The following SCUBE2 variants were observed in gnomAD, a reference collection of about 807,000 sequenced individuals.
SCUBE2 encodes the protein signal peptide, CUB and EGF-like domain-containing protein 2.
SCUBE2 carries 114 observed loss-of-function variants against 125.9 expected under a neutral mutation model. That is an observed-to-expected ratio of 0.91 (90% CI 0.78 to 1.06). SCUBE2 has a LOEUF of 1.06. SCUBE2 is among the 50% of genes least tolerant of loss of function. The probability of loss-of-function intolerance (pLI) is 0.00; values close to 1 mark genes in which losing one functional copy is unlikely to be tolerated. For synonymous variants in SCUBE2, 459 were observed against 492.9 expected (o/e 0.93, Z 0.91); for missense variants, 1,255 against 1,301.8 (o/e 0.96, Z 0.55).
intron 16 of SCUBE2, among the ~76,000 whole-genome samples, chr11:9,037,337 T>C (rs1856826051): frequency 1.3e-5 from 2 of 152,182 alleles, no homozygotes; most frequent in South Asian, 2.1e-4. Flanking sequence ...TTTTTCTCCT[T>C]CTTTAAAAAA....
At chr11:9,041,729 A>T (rs1857263177) in intron 16 of SCUBE2, among the ~76,000 whole-genome samples, 1 of 151,916 alleles carries the variant, frequency 6.6e-6, no homozygotes, top group African/African-American at 2.4e-5. Flanking sequence ...CGGCTCCTTC[A>T]AAGAGCTTCG....
At chr11:9,077,538 G>A (rs1354926645) in intron 3 of SCUBE2, among the ~76,000 whole-genome samples, 1 of 152,204 alleles carries the variant, frequency 6.6e-6, no homozygotes, top group African/African-American at 2.4e-5. Context: ...TGGTTAGGAG[G>A]CTGAGGAGAT....
At chr11:9,086,575 G>A (rs540080131) in intron 2 of SCUBE2, among the ~76,000 whole-genome samples, 20 of 151,512 alleles carry the variant, frequency 1.3e-4, no homozygotes, top group African/African-American at 2.9e-4. Context: ...CATCCTGGCC[G>A]GGCGCAGTGG....
At chr11:9,056,011 TAC>T (rs1859047526) in intron 9 of SCUBE2, 102 bp from the exon 10 acceptor site, 4 of 845,500 alleles carry the variant, frequency 4.7e-6, no homozygotes, top group African/African-American at 3.3e-5. Context: ...CCAAAAACAA[TAC>T]ACACAGAGTA....
Position 9,031,846 on chromosome 11 carries a change from T to C in SCUBE2, c.2174-921A>G, listed in dbSNP as rs1856332989. Among the ~76,000 whole-genome samples, 3 of 148,916 alleles carry C rather than the reference T, an allele frequency of 2.0e-5. No individual in the cohort carries two copies. In the South Asian group the frequency reaches 6.6e-4, roughly 33 times the overall value. ...TTCTTAATCATCTCTCCTCTATTAATCATAGTGGTCTCATTTTCCCCCATA... is the reference window on the plus strand; with the variant it reads ...TTCTTAATCATCTCTCCTCTATTAACCATAGTGGTCTCATTTTCCCCCATA... On this transcript the variant is annotated intron_variant, in intron 17 of 22. Transcript: ENST00000649792.
intron 16 of SCUBE2, among the ~76,000 whole-genome samples, chr11:9,040,437 G>A (rs1233805311): frequency 3.3e-5 from 5 of 151,960 alleles, no homozygotes; most frequent in Non-Finnish European, 4.4e-5. Flanking sequence ...GGTATACACC[G>A]TGGGTACACA....
chr11:9,074,788 C>T (rs548244472), intron 3 of SCUBE2, among the ~76,000 whole-genome samples, 173 bp from the exon 4 acceptor site: 37 of 152,360 alleles, frequency 2.4e-4, no homozygotes, highest in Admixed American at 1.8e-3. Context: ...CCAGTCCTTA[C>T]GGGTCTGGGG....
Position 9,055,865 on chromosome 11 carries a change from T to C in SCUBE2, c.1135A>G (p.Ile379Val). Residue 379 changes from isoleucine (I) to valine (V), a missense_variant, in exon 10 of 23, where the codon ATC (isoleucine) becomes GTC (valine). Coordinates refer to ENST00000649792, the MANE Select transcript of SCUBE2 (RefSeq NM_001367977.2). ...SLDRTCDHSC[I>V]NHPGTFACAC... Reference sequence around the variant, plus strand: ...CAAGCAAATGTGCCAGGGTGGTTGATGCAGCTGTGGTCACAGGTCCTATCC... The same window carrying C: ...CAAGCAAATGTGCCAGGGTGGTTGACGCAGCTGTGGTCACAGGTCCTATCC... The C allele has an allele frequency of 1.2e-6, 2 of 1,614,180 alleles. No homozygotes were observed. Among genetic ancestry groups the C allele is most frequent in the Non-Finnish European group, 1.7e-6 (2 of 1,180,034 alleles).
In SCUBE2 at chr11:9,025,863, G is replaced by C. The variant is rs1333802605; in HGVS notation, c.2702-9C>G. 2 of 1,612,934 alleles carry C rather than the reference G, an allele frequency of 1.2e-6. No individual in the cohort carries two copies. On this transcript the variant is annotated splice_polypyrimidine_tract_variant and intron_variant, in intron 20 of 22. Coordinates refer to ENST00000649792, the MANE Select transcript of SCUBE2 (RefSeq NM_001367977.2). Reference sequence around the variant, plus strand: ...CACAGAATTGGATGAAGCTGCCAAGGGAAGTTGGAGAAGGGTGGGGTTCAA... The same window carrying C: ...CACAGAATTGGATGAAGCTGCCAAGCGAAGTTGGAGAAGGGTGGGGTTCAA...
chr11:9,049,103 T>C (rs929958799), intron 14 of SCUBE2, among the ~76,000 whole-genome samples: 23 of 152,224 alleles, frequency 1.5e-4, no homozygotes, highest in African/African-American at 5.1e-4. Flanking sequence ...TATAGAAAAG[T>C]TGCTAAGATA....
At position 9,050,697 on chromosome 11, in the gene SCUBE2, G is replaced by C. The variant is rs370137182; in HGVS notation, c.1548C>G (p.Ile516Met). ...TTAGCTTAAAGGTTACACTTGTCCT[G>C]ATGGTGGTGACATCTTCAGAAAGAA... ...NDSAFGDVTT[I>M]RTSVTFKLNE... The change falls in exon 14 of 23, where the codon ATC (isoleucine) becomes ATG (methionine). Residue 516 changes from isoleucine (I) to methionine (M), a missense_variant. Ile to Met is a conservative substitution (Grantham distance 10, BLOSUM62 1). Transcript: ENST00000649792. The C allele has an allele frequency of 6.2e-7, 1 of 1,613,518 alleles. No individual in the cohort carries two copies. The highest frequency in any genetic ancestry group is 8.5e-7 in the Non-Finnish European group (1 of 1,179,488).
chr11:9,073,789 A>G (rs1221019397), intron 4 of SCUBE2, among the ~76,000 whole-genome samples: 1 of 152,248 alleles, frequency 6.6e-6, no homozygotes, highest in Non-Finnish European at 1.5e-5. Flanking sequence ...CTGATTGGCC[A>G]CATGTACTTA....
Position 9,029,928 on chromosome 11 carries a change from G to C in SCUBE2, c.2459C>G (p.Thr820Ser), listed in dbSNP as rs3751057. 0.082 allele frequency: 131,970 copies of C among 1,613,934 alleles called. 5,814 individuals are homozygous for C. Among genetic ancestry groups the C allele is most frequent in the African/African-American group, 0.11 (8,569 of 75,018 alleles). Residue 820 changes from threonine to serine, a missense_variant, in exon 19 of 23, where the codon ACT (threonine) becomes AGT (serine). Physicochemically the swap from Thr to Ser is moderately conservative, Grantham distance 58. Around this residue, in one of 3 missense-constraint regions of SCUBE2, gnomAD observed 515 missense variants for 515.7 expected, o/e 1.00. Transcript: ENST00000649792. Reference sequence around the variant, plus strand: ...TGTGGAGCCATCAAAGTCAGTCGTAGTATTTCCTGGGCAAGAAACACAATT... The same window carrying C: ...TGTGGAGCCATCAAAGTCAGTCGTACTATTTCCTGGGCAAGAAACACAATT... ...KNNCVSCPGN[T>S]TTDFDGSTNI...
rs1307484593 is a variant in SCUBE2 at position 9,053,220 on chromosome 11, A to G, written c.1331-5T>C. On this transcript the variant is annotated splice_region_variant and splice_polypyrimidine_tract_variant and intron_variant, in intron 11 of 22. Coordinates refer to ENST00000649792, the MANE Select transcript of SCUBE2 (RefSeq NM_001367977.2). ...TGGGCAGGAGCCCCTTCACTTCTAG[A>G]CAGGACAAAACAGACACTTACAGAA... The G allele has an allele frequency of 1.2e-6, 2 of 1,604,204 alleles. No homozygotes were observed. Among genetic ancestry groups the G allele is most frequent in the Non-Finnish European group, 1.7e-6 (2 of 1,170,940 alleles).
At chr11:9,063,953 CAT>C (rs1282537248) in intron 7 of SCUBE2, among the ~76,000 whole-genome samples, 4 of 152,194 alleles carry the variant, frequency 2.6e-5, no homozygotes. Flanking sequence ...AAAATATAAT[CAT>C]AGCACGTTAC....
chr11:9,039,996 G>C (rs118028272), intron 16 of SCUBE2, among the ~76,000 whole-genome samples: 2,517 of 152,340 alleles, frequency 0.017, 31 homozygotes, highest in Middle Eastern at 0.031. Flanking sequence ...GCGAGCCCAT[G>C]CGCACCACAG....
chr11:9,079,585 A>T, intron 2 of SCUBE2, 76 bp from the exon 3 acceptor site: 1 of 1,460,700 alleles, frequency 6.8e-7, no homozygotes, highest in Non-Finnish European at 9.3e-7. Flanking sequence ...ACCTCCAGCC[A>T]TTCCACTTCT....
intron 2 of SCUBE2, among the ~76,000 whole-genome samples, chr11:9,086,776 C>T (rs1451216769): frequency 1.3e-5 from 2 of 148,446 alleles, no homozygotes; most frequent in African/African-American, 5.0e-5. Context: ...TTGCTTGAAC[C>T]TGGGAGGCGG....
chr11:9,073,756 G>T (rs1264532150), intron 4 of SCUBE2, among the ~76,000 whole-genome samples: 2 of 152,130 alleles, frequency 1.3e-5, no homozygotes, highest in African/African-American at 4.8e-5. Flanking sequence ...AGAGTTAAAA[G>T]GATGACATTC....
Sources: gnomAD v4.1 joint callset for allele counts (sites outside exome capture counted in the v4.1 genomes callset) on GRCh38, gnomAD v4.1.1 for gene constraint, gnomAD v4.1.1 regional missense constraint, MANE v1.5 for transcripts, NCBI Gene and HGNC (gene_info 2026-07-23, HGNC 2026-07-21) for gene names.